GRM8: variants seen among roughly 807,000 people sequenced by gnomAD.
The protein encoded by GRM8 is metabotropic glutamate receptor 8.
A neutral mutation model predicts 87.2 loss-of-function variants in GRM8; 47 were observed. The ratio of observed to expected loss-of-function variants is 0.54; its 90% CI spans 0.43 to 0.69. The LOEUF is 0.69. Ranked by LOEUF, GRM8 falls within the 30% of genes least tolerant of loss-of-function variation. GRM8 has a pLI of 0.00. For missense variants in GRM8, 1,019 were observed against 1,139.2 expected (o/e 0.89, Z 1.52); for synonymous variants, 396 against 404.5 (o/e 0.98, Z 0.25).
At chr7:126,618,496 G>T (rs532268187) in intron 7 of GRM8, among the ~76,000 whole-genome samples, 2 of 152,262 alleles carry the variant, frequency 1.3e-5, no homozygotes, top group African/African-American at 4.8e-5. Flanking sequence ...AACACCAAAA[G>T]CAATGGCAAC....
chr7:127,124,182 C>T (rs997265962), intron 2 of GRM8, among the ~76,000 whole-genome samples: 2 of 152,166 alleles, frequency 1.3e-5, no homozygotes, highest in African/African-American at 2.4e-5. Flanking sequence ...CCTTTTACAA[C>T]CAAACTTTAA....
chr7:126,653,905 A>G (rs779366159), intron 7 of GRM8, among the ~76,000 whole-genome samples: 16 of 152,206 alleles, frequency 1.1e-4, no homozygotes, highest in Admixed American at 7.2e-4. Flanking sequence ...TATTTCAAAT[A>G]ATAGAAAAGA....
chr7:127,186,547 T>A (rs17862314), intron 2 of GRM8, among the ~76,000 whole-genome samples: 18,641 of 152,174 alleles, frequency 0.12, 1,233 homozygotes, highest in Non-Finnish European at 0.15. Flanking sequence ...TCCTAGCAGA[T>A]AGCCTCTCCC....
chr7:126,470,821 T>C (rs561134409), intron 9 of GRM8, among the ~76,000 whole-genome samples: 14 of 152,280 alleles, frequency 9.2e-5, no homozygotes, highest in African/African-American at 3.4e-4. Context: ...TGTAAAAGTG[T>C]TCCTATTTCT....
intron 7 of GRM8, among the ~76,000 whole-genome samples, chr7:126,650,973 G>A (rs1292395888): frequency 3.9e-5 from 6 of 152,132 alleles, no homozygotes; most frequent in Admixed American, 1.3e-4. Flanking sequence ...CTGATGCTGA[G>A]CCCTCAATAT....
chr7:127,170,989 G>A (rs1271393037), intron 2 of GRM8, among the ~76,000 whole-genome samples: 1 of 151,584 alleles, frequency 6.6e-6, no homozygotes, highest in Non-Finnish European at 1.5e-5. Context: ...AAAACATATT[G>A]AAATAAAAAA....
At chr7:127,173,012 T>A (rs1418439696) in intron 2 of GRM8, among the ~76,000 whole-genome samples, 1 of 152,154 alleles carries the variant, frequency 6.6e-6, no homozygotes, top group Non-Finnish European at 1.5e-5. Flanking sequence ...AGAAGACAAG[T>A]AACTAACATG....
chr7:126,850,169 G>A (rs1183927510), intron 6 of GRM8, among the ~76,000 whole-genome samples: 3 of 152,106 alleles, frequency 2.0e-5, no homozygotes, highest in Non-Finnish European at 4.4e-5. Context: ...TTGCCAAACC[G>A]GCTCTCAGTC....
chr7:127,050,093 T>C (rs1819320847), intron 3 of GRM8, among the ~76,000 whole-genome samples: 1 of 152,196 alleles, frequency 6.6e-6, no homozygotes, highest in Admixed American at 6.5e-5. Context: ...TTAGCTCTTA[T>C]TTTTTAAAGG....
At chr7:127,092,932 C>T (rs1563499990) in intron 3 of GRM8, among the ~76,000 whole-genome samples, 5 of 152,232 alleles carry the variant, frequency 3.3e-5, no homozygotes. Context: ...ACCTGGCAAG[C>T]TGGCCTAGCT....
At chr7:126,829,745 A>G (rs1795176165) in intron 6 of GRM8, among the ~76,000 whole-genome samples, 1 of 151,826 alleles carries the variant, frequency 6.6e-6, no homozygotes, top group African/African-American at 2.4e-5. Context: ...TCCTGTCATT[A>G]TGATGTTAGC....
At chr7:127,000,361 A>C (rs4728059) in intron 3 of GRM8, among the ~76,000 whole-genome samples, 9,146 of 151,698 alleles carry the variant, frequency 0.06, 435 homozygotes, top group African/African-American at 0.14. Flanking sequence ...ATAGTCAATA[A>C]TAACTTAATT....
chr7:127,164,205 A>G (rs189890954), intron 2 of GRM8, among the ~76,000 whole-genome samples: 1 of 151,998 alleles, frequency 6.6e-6, no homozygotes, highest in Admixed American at 6.6e-5. Flanking sequence ...GCCTTCCACA[A>G]TGTTTGTAAG....
intron 9 of GRM8, among the ~76,000 whole-genome samples, chr7:126,514,742 A>C (rs1427148368): frequency 6.6e-6 from 1 of 152,112 alleles, no homozygotes; most frequent in Non-Finnish European, 1.5e-5. Flanking sequence ...AATACATTTT[A>C]GATAAAAATG....
chr7:127,012,541 T>C (rs1273171012), intron 3 of GRM8, among the ~76,000 whole-genome samples: 1 of 152,158 alleles, frequency 6.6e-6, no homozygotes. Flanking sequence ...TCTACTTAAA[T>C]AGCATTTTTA....
intron 2 of GRM8, among the ~76,000 whole-genome samples, chr7:127,117,602 A>C (rs1404996579): frequency 1.3e-5 from 2 of 152,234 alleles, no homozygotes; most frequent in African/African-American, 4.8e-5. Flanking sequence ...TTACATGAGT[A>C]CAAAAAATAA....
chr7:127,143,940 G>A (rs1828412046), intron 2 of GRM8, among the ~76,000 whole-genome samples: 1 of 152,030 alleles, frequency 6.6e-6, no homozygotes, highest in African/African-American at 2.4e-5. Context: ...GATATCTCTT[G>A]CACAAAACCT....
chr7:127,015,653 T>C (rs17869369), intron 3 of GRM8, among the ~76,000 whole-genome samples: 1,673 of 152,236 alleles, frequency 0.011, 22 homozygotes, highest in African/African-American at 0.037. Context: ...TGCTTATCCT[T>C]GGATTTTCTA....
At chr7:127,231,224 A>T (rs964930216) in intron 2 of GRM8, among the ~76,000 whole-genome samples, 4 of 151,952 alleles carry the variant, frequency 2.6e-5, no homozygotes, top group African/African-American at 9.7e-5. Context: ...CATCTCTTAC[A>T]CTATTCTACT....
Sources: gnomAD v4.1 joint callset for allele counts (sites outside exome capture counted in the v4.1 genomes callset) on GRCh38, gnomAD v4.1.1 for gene constraint, MANE v1.5 for transcripts, NCBI Gene and HGNC (gene_info 2026-07-23, HGNC 2026-07-21) for gene names.